Variants in LYRM4 observed in about 807,000 individuals in gnomAD.
LYRM4 encodes the protein LYR motif-containing protein 4.
LYRM4 carries 9 observed loss-of-function variants against 11.7 expected under a neutral mutation model. That is an observed-to-expected ratio of 0.77 (90% confidence interval 0.46 to 1.34). The LOEUF is 1.34. LYRM4 is among the 40% of genes most tolerant of loss of function. LYRM4 has a pLI of 0.00. For synonymous variants in LYRM4, 42 were observed against 40.4 expected, an observed-to-expected ratio of 1.04 and a Z score of -0.15; for missense variants, 133 against 112.5, an observed-to-expected ratio of 1.18 and a Z score of -0.82.
the LYRM4 span, among the ~76,000 whole-genome samples, chr6:5,038,887 A>G: frequency 5.4e-4 from 46 of 85,096 alleles, 8 homozygotes; most frequent in African/African-American, 2.4e-3. Context: ...GTGGAGGGAG[A>G]GAGAGGGAGA....
intron 2 of LYRM4, among the ~76,000 whole-genome samples, chr6:5,144,553 C>T (rs540147106): frequency 1.6e-4 from 20 of 126,524 alleles, no homozygotes; most frequent in Non-Finnish European, 3.0e-4. Flanking sequence ...AGGAGAATGG[C>T]GTGAACCTGG....
chr6:5,066,240 A>C, the LYRM4 span: 2 of 724,640 alleles, frequency 2.8e-6, no homozygotes, highest in Non-Finnish European at 5.1e-6. Context: ...CACTTCATAC[A>C]TGATACAAGT....
intron 2 of LYRM4, among the ~76,000 whole-genome samples, chr6:5,190,167 G>A (rs1172232721): frequency 6.6e-6 from 1 of 152,004 alleles, no homozygotes; most frequent in Non-Finnish European, 1.5e-5. Context: ...AGTACACAGA[G>A]TAGATACTAC....
chr6:5,158,213 C>T (rs1458860600), intron 2 of LYRM4, among the ~76,000 whole-genome samples: 1 of 152,162 alleles, frequency 6.6e-6, no homozygotes, highest in Non-Finnish European at 1.5e-5. Flanking sequence ...TATGTGTCTT[C>T]ATATATGTAC....
Position 5,145,980 on chromosome 6 carries a change from T to C in LYRM4, c.208-36489A>G, listed in dbSNP as rs150178454. Among the ~76,000 whole-genome samples, 800 of 152,356 alleles carry C rather than the reference T, an allele frequency of 5.3e-3. 8 individuals carry two copies. The highest frequency in any genetic ancestry group is 0.018 in the African/African-American group (763 of 41,572). On this transcript the variant is annotated intron_variant, in intron 2 of 2. Transcript: ENST00000330636. ...GGTTTCTGCCTGGACACTATGCCTC[T>C]ACGATCAACTCTGCAATTAATTTTT... is the stretch of plus-strand genomic sequence containing the variant.
chr6:5,175,136 G>A lies in LYRM4; in HGVS notation c.207+41482C>T, dbSNP rs568945275. Among the ~76,000 whole-genome samples, 12 of 152,334 alleles carry A rather than the reference G, an allele frequency of 7.9e-5. No individual in the cohort carries two copies. The South Asian group carries it at 2.3e-3, about 29-fold the overall frequency. On this transcript the variant is annotated intron_variant, in intron 2 of 2. Coordinates refer to ENST00000330636, the MANE Select transcript of LYRM4 (RefSeq NM_020408.6). ...AATTTCTGGGGATAAACATAAATGT[G>A]CAATCTTAAATAATGCCTTGTTTTA... is the stretch of plus-strand genomic sequence containing the variant.
intron 2 of LYRM4, among the ~76,000 whole-genome samples, chr6:5,113,731 CTCTCT>C (rs1052133950): frequency 3.1e-4 from 18 of 57,952 alleles, no homozygotes; most frequent in Non-Finnish European, 1.6e-4. Flanking sequence ...TCTTTTCTCT[CTCTCT>C]TTTTTTTTTT....
At chr6:5,242,017 G>C (rs1228370652) in intron 1 of LYRM4, among the ~76,000 whole-genome samples, 1 of 151,300 alleles carries the variant, frequency 6.6e-6, no homozygotes, top group Non-Finnish European at 1.5e-5. Context: ...GTGCTTTACA[G>C]ATTACAAGGC....
chr6:5,151,330 G>A lies in LYRM4; in HGVS notation c.208-41839C>T, dbSNP rs112194058. On this transcript the variant is annotated intron_variant, in intron 2 of 2. Coordinates refer to ENST00000330636, the MANE Select transcript of LYRM4 (RefSeq NM_020408.6). ...TATCTGTTGACCTCGTGATCTGCCT[G>A]CCTCAGCCTCCCACAGTGCTGGGAT... Among the ~76,000 whole-genome samples, 555 of 152,262 alleles carry A rather than the reference G, an allele frequency of 3.6e-3. 3 individuals are homozygous for A. Among genetic ancestry groups the A allele is most frequent in the African/African-American group, 0.013 (531 of 41,542 alleles).
chr6:5,194,050 C>G (rs1000770258), intron 2 of LYRM4, among the ~76,000 whole-genome samples: 1 of 122,942 alleles, frequency 8.1e-6, no homozygotes, highest in Non-Finnish European at 1.6e-5. Context: ...TCCAGAGAAA[C>G]AGAACCAACA....
intron 2 of LYRM4, among the ~76,000 whole-genome samples, chr6:5,122,099 C>G (rs970966552): frequency 1.3e-5 from 2 of 152,210 alleles, no homozygotes; most frequent in African/African-American, 4.8e-5. Context: ...GCAAGCTCAG[C>G]AGAAACCTGC....
chr6:5,239,870 A>C (rs889004128), intron 1 of LYRM4, among the ~76,000 whole-genome samples: 6 of 152,116 alleles, frequency 3.9e-5, no homozygotes, highest in African/African-American at 1.4e-4. Flanking sequence ...TAGGCCCTTA[A>C]AAACATTCTC....
intron 1 of LYRM4, among the ~76,000 whole-genome samples, chr6:5,257,464 TA>T (rs1394191663): frequency 3.3e-5 from 5 of 152,222 alleles, no homozygotes; most frequent in African/African-American, 1.2e-4. Flanking sequence ...AAGCCATTGA[TA>T]ACAGGTGCCT....
downstream of LYRM4, among the ~76,000 whole-genome samples, chr6:5,101,459 C>T (rs1445160991): frequency 2.6e-5 from 4 of 152,164 alleles, no homozygotes; most frequent in Non-Finnish European, 4.4e-5. Context: ...TATAGCAACC[C>T]TGCAAAGTAG....
chr6:5,086,116 G>A, the LYRM4 span: 5 of 1,465,146 alleles, frequency 3.4e-6, no homozygotes, highest in Non-Finnish European at 4.5e-6. Flanking sequence ...CGCCGCGGCC[G>A]AGCGTCTGCA....
the LYRM4 span, chr6:5,032,613 C>T: frequency 6.6e-6 from 1 of 152,238 alleles, no homozygotes; most frequent in Non-Finnish European, 1.5e-5. Flanking sequence ...GGAGAAAGTC[C>T]AGTGTGACTG....
intron 2 of LYRM4, among the ~76,000 whole-genome samples, chr6:5,157,502 A>T (rs1327236542): frequency 6.7e-6 from 1 of 149,948 alleles, no homozygotes; most frequent in Non-Finnish European, 1.5e-5. Flanking sequence ...CCTAAACAGT[A>T]TCTAAAACTA....
the LYRM4 span, among the ~76,000 whole-genome samples, chr6:5,073,895 C>T: frequency 2.0e-5 from 3 of 152,108 alleles, no homozygotes; most frequent in Non-Finnish European, 1.5e-5. Context: ...CTGGAGGTGG[C>T]GTTCTTCTGC....
intron 2 of LYRM4, among the ~76,000 whole-genome samples, chr6:5,158,473 G>GTTTTT (rs3055917): frequency 1.6e-5 from 2 of 128,560 alleles, no homozygotes; most frequent in African/African-American, 5.8e-5. Flanking sequence ...TGGTCTCCAC[G>GTTTTT]TTTTTTTTTT....
Sources: gnomAD v4.1 joint callset for allele counts (sites outside exome capture counted in the v4.1 genomes callset) on GRCh38, gnomAD v4.1.1 for gene constraint, MANE v1.5 for transcripts, NCBI Gene and HGNC (gene_info 2026-07-23, HGNC 2026-07-21) for gene names.